TCF20: variants seen among roughly 807,000 people sequenced by gnomAD.
The protein encoded by TCF20 is SPRE-binding protein.
A neutral mutation model predicts 148.6 loss-of-function variants in TCF20; 3 were observed. That is an observed-to-expected ratio of 0.02 (90% confidence interval 0.01 to 0.05). The LOEUF is 0.05. Ranked by LOEUF, TCF20 falls within the 10% of genes least tolerant of loss-of-function variation. The pLI is 1.00. For synonymous variants in TCF20, 1,049 were observed against 909.5 expected, an observed-to-expected ratio of 1.15 and a Z score of -2.76; for missense variants, 2,350 against 2,429.3, an observed-to-expected ratio of 0.97 and a Z score of 0.69.
intron 2 of TCF20, among the ~76,000 whole-genome samples, chr22:42,204,839 T>A (rs1273788852): frequency 6.6e-6 from 1 of 151,924 alleles, no homozygotes; most frequent in African/African-American, 2.4e-5. Context: ...GCAAGACTCA[T>A]CTCAAAATAA....
At chr22:42,177,595 C>T (rs986641639) in intron 3 of TCF20, among the ~76,000 whole-genome samples, 1 of 152,188 alleles carries the variant, frequency 6.6e-6, no homozygotes, top group Non-Finnish European at 1.5e-5. Context: ...TTGGATGGCA[C>T]TTCTTTAACA....
intron 1 of TCF20, among the ~76,000 whole-genome samples, chr22:42,252,885 AAT>A (rs1256598470): frequency 6.6e-6 from 1 of 152,166 alleles, no homozygotes; most frequent in African/African-American, 2.4e-5. Flanking sequence ...CTAGAATAAA[AAT>A]ACTGTTATAG....
At chr22:42,229,674 G>A (rs1231252899) in intron 1 of TCF20, among the ~76,000 whole-genome samples, 3 of 152,086 alleles carry the variant, frequency 2.0e-5, no homozygotes, top group Non-Finnish European at 2.9e-5. Context: ...CAGACCATGC[G>A]CTCCGACCTC....
chr22:42,333,420 G>A (rs1397971052), intron 1 of TCF20, among the ~76,000 whole-genome samples: 5 of 152,102 alleles, frequency 3.3e-5, no homozygotes, highest in African/African-American at 1.2e-4. Flanking sequence ...GCTGTGCAGA[G>A]GCTTTAGAGG....
chr22:42,235,786 G>A (rs749141667), intron 1 of TCF20, among the ~76,000 whole-genome samples: 1 of 152,114 alleles, frequency 6.6e-6, no homozygotes, highest in Non-Finnish European at 1.5e-5. Context: ...CACCACACGG[G>A]AATGTCCCAC....
intron 1 of TCF20, among the ~76,000 whole-genome samples, chr22:42,283,564 GCCTCCCCGC>G (rs1458713675): frequency 1.3e-5 from 2 of 151,474 alleles, no homozygotes; most frequent in African/African-American, 4.9e-5. Context: ...AACATCCCCC[GCCTCCCCGC>G]CCTCCATCGC....
At chr22:42,336,271 G>C (rs1054918688) in intron 1 of TCF20, among the ~76,000 whole-genome samples, 1 of 152,056 alleles carries the variant, frequency 6.6e-6, no homozygotes, top group Admixed American at 6.5e-5. Flanking sequence ...GGCATGGCTC[G>C]GGTAGCTAGG....
At chr22:42,179,429 C>A (rs1936642503) in intron 3 of TCF20, among the ~76,000 whole-genome samples, 180 bp downstream of exon 3, 2 of 131,962 alleles carry the variant, frequency 1.5e-5, no homozygotes, top group African/African-American at 5.8e-5. Flanking sequence ...TTGCCAGGGA[C>A]TGGAGGGAAG....
intron 2 of TCF20, among the ~76,000 whole-genome samples, chr22:42,184,241 G>C (rs1936934568): frequency 6.6e-6 from 1 of 152,152 alleles, no homozygotes; most frequent in African/African-American, 2.4e-5. Flanking sequence ...ACCTGCTAAA[G>C]ATCACATAGC....
At chr22:42,284,422 A>G (rs1404794063), upstream of TCF20, among the ~76,000 whole-genome samples, 5 of 152,236 alleles carry the variant, frequency 3.3e-5, no homozygotes, top group Admixed American at 1.3e-4. Flanking sequence ...ATTTGCACCC[A>G]GCACCTTAGG....
intron 2 of TCF20, among the ~76,000 whole-genome samples, chr22:42,184,676 T>A (rs78051933): frequency 5.3e-5 from 8 of 152,230 alleles, no homozygotes; most frequent in African/African-American, 1.9e-4. Context: ...ATGAGACACA[T>A]TGGGGGCTCC....
intron 1 of TCF20, among the ~76,000 whole-genome samples, chr22:42,216,792 T>G (rs993618371): frequency 3.3e-5 from 5 of 152,230 alleles, no homozygotes; most frequent in African/African-American, 9.6e-5. Context: ...TTCAAAGTTA[T>G]CTGACTGAGC....
chr22:42,280,634 C>T (rs756567300), intron 1 of TCF20, among the ~76,000 whole-genome samples: 5 of 152,232 alleles, frequency 3.3e-5, no homozygotes, highest in Admixed American at 6.5e-5. Context: ...AGTCAGTGCT[C>T]CTCAGTCTTG....
chr22:42,206,944 G>A (rs1601585440), intron 2 of TCF20, among the ~76,000 whole-genome samples: 2 of 152,256 alleles, frequency 1.3e-5, no homozygotes, highest in South Asian at 4.1e-4. Context: ...GACACCATGA[G>A]CAATGGGAAG....
intron 1 of TCF20, among the ~76,000 whole-genome samples, chr22:42,236,056 T>C (rs1225685022): frequency 1.3e-5 from 2 of 152,066 alleles, no homozygotes; most frequent in Non-Finnish European, 2.9e-5. Flanking sequence ...TAGCTGGGCA[T>C]GGTGGCAGGC....
At chr22:42,258,638 C>T (rs565210865) in intron 1 of TCF20, among the ~76,000 whole-genome samples, 2 of 152,288 alleles carry the variant, frequency 1.3e-5, no homozygotes, top group South Asian at 4.1e-4. Context: ...CATTCTGCTT[C>T]TCACTTTTTC....
chr22:42,306,168 G>A (rs754861889), intron 1 of TCF20, among the ~76,000 whole-genome samples: 5 of 152,272 alleles, frequency 3.3e-5, no homozygotes, highest in South Asian at 4.1e-4. Flanking sequence ...AGCCGGAGAC[G>A]GAGCCGCTGT....
chr22:42,304,031 C>T (rs1927388365), intron 1 of TCF20, among the ~76,000 whole-genome samples: 1 of 152,068 alleles, frequency 6.6e-6, no homozygotes, highest in African/African-American at 2.4e-5. Flanking sequence ...GCCCCACCCC[C>T]CTGCCGCAAG....
chr22:42,191,380 C>T (rs1437442094), intron 2 of TCF20, among the ~76,000 whole-genome samples: 2 of 152,164 alleles, frequency 1.3e-5, no homozygotes, highest in Non-Finnish European at 2.9e-5. Flanking sequence ...ACCTCTACCT[C>T]CCGGGTTCAA....
Sources: gnomAD v4.1 joint callset for allele counts (sites outside exome capture counted in the v4.1 genomes callset) on GRCh38, gnomAD v4.1.1 for gene constraint, MANE v1.5 for transcripts, NCBI Gene and HGNC (gene_info 2026-07-23, HGNC 2026-07-21) for gene names.